The following CFAP299 variants were observed in gnomAD, a reference collection of about 807,000 sequenced individuals.
CFAP299 encodes cilia- and flagella-associated protein 299.
A neutral mutation model predicts 27.0 loss-of-function variants in CFAP299; 21 were observed. The ratio of observed to expected loss-of-function variants is 0.78; its 90% CI spans 0.55 to 1.12. The LOEUF is 1.12. CFAP299 is among the 50% of genes most tolerant of loss of function. The pLI, the probability that CFAP299 is intolerant of heterozygous loss-of-function variation, is 0.00. For synonymous variants in CFAP299, 104 were observed against 98.1 expected, an observed-to-expected ratio of 1.06 and a Z score of -0.36; for missense variants, 310 against 276.6, an observed-to-expected ratio of 1.12 and a Z score of -0.86.
chr4:80,367,301 G>T (rs913732249), intron 2 of CFAP299, among the ~76,000 whole-genome samples: 1 of 152,186 alleles, frequency 6.6e-6, no homozygotes, highest in Admixed American at 6.5e-5. Context: ...GTCAAGATTT[G>T]TGAGGGGACG....
intron 1 of CFAP299, among the ~76,000 whole-genome samples, chr4:80,342,259 A>G (rs1293954363): frequency 6.6e-6 from 1 of 152,258 alleles, no homozygotes; most frequent in Non-Finnish European, 1.5e-5. Context: ...GATATCATCC[A>G]GGAGAACTTC....
At chr4:80,820,929 TA>T (rs1484482305) in intron 3 of CFAP299, among the ~76,000 whole-genome samples, 1 of 152,178 alleles carries the variant, frequency 6.6e-6, no homozygotes, top group Non-Finnish European at 1.5e-5. Flanking sequence ...AGAAATTGTG[TA>T]AGTACTGAGC....
rs147681015 is a variant in CFAP299 at position 80,511,849 on chromosome 4, A to G, written c.243-71244A>G. 3.8e-3 allele frequency among the ~76,000 whole-genome samples: 580 copies of G among 152,276 alleles called. 2 individuals are homozygous for G. Among genetic ancestry groups the G allele is most frequent in the African/African-American group, 0.013 (557 of 41,568 alleles). On this transcript the variant is annotated intron_variant, in intron 2 of 5. Coordinates refer to ENST00000358105, the MANE Select transcript of CFAP299 (RefSeq NM_152770.3). ...AACAGGCCCTCTTCTCTTTAAAGTTATATTAACTTAATGGTAAATTATCTT... is the reference window on the plus strand; with the variant it reads ...AACAGGCCCTCTTCTCTTTAAAGTTGTATTAACTTAATGGTAAATTATCTT...
At chr4:80,366,977 C>G (rs80249392) in intron 2 of CFAP299, among the ~76,000 whole-genome samples, 5 of 152,028 alleles carry the variant, frequency 3.3e-5, no homozygotes, top group African/African-American at 9.7e-5. Flanking sequence ...TGCATGATAC[C>G]ATTTATATAA....
chr4:80,693,059 C>G (rs553738358), intron 3 of CFAP299, among the ~76,000 whole-genome samples: 67 of 152,342 alleles, frequency 4.4e-4, no homozygotes, highest in Admixed American at 2.1e-3. Context: ...AGGTGCTGGA[C>G]AGGATGTGGA....
intron 2 of CFAP299, chr4:80,388,376 T>C (rs969085476): frequency 1.2e-5 from 8 of 682,730 alleles, no homozygotes; most frequent in African/African-American, 8.9e-5. Context: ...GATCTGGCAA[T>C]TGGCAGGAGG....
intron 2 of CFAP299, among the ~76,000 whole-genome samples, chr4:80,400,364 G>A (rs957040127): frequency 6.6e-6 from 1 of 152,056 alleles, no homozygotes; most frequent in Non-Finnish European, 1.5e-5. Context: ...TGGCTTGGTT[G>A]TGCCCCCACC....
At chr4:80,548,234 A>G (rs937179751) in intron 2 of CFAP299, among the ~76,000 whole-genome samples, 1 of 152,170 alleles carries the variant, frequency 6.6e-6, no homozygotes, top group African/African-American at 2.4e-5. Flanking sequence ...AGCAACATGG[A>G]TGTATTAATA....
At chr4:80,559,576 G>C (rs1042099332) in intron 2 of CFAP299, among the ~76,000 whole-genome samples, 5 of 152,172 alleles carry the variant, frequency 3.3e-5, no homozygotes, top group African/African-American at 1.2e-4. Flanking sequence ...GCATTGAAGA[G>C]ATAGAAAACA....
chr4:80,398,689 T>G (rs1725957882), intron 2 of CFAP299, among the ~76,000 whole-genome samples: 2 of 152,124 alleles, frequency 1.3e-5, no homozygotes, highest in African/African-American at 4.8e-5. Flanking sequence ...TAAAATTAAT[T>G]CAAGATGGAT....
chr4:80,357,815 T>G (rs1393409373), intron 1 of CFAP299, among the ~76,000 whole-genome samples: 2 of 152,164 alleles, frequency 1.3e-5, no homozygotes, highest in African/African-American at 2.4e-5. Flanking sequence ...TGAATTTTTT[T>G]TGTGTGTCTC....
chr4:80,877,382 A>G (rs1022528110), intron 4 of CFAP299, among the ~76,000 whole-genome samples: 1 of 152,220 alleles, frequency 6.6e-6, no homozygotes, highest in African/African-American at 2.4e-5. Context: ...ACTAGGACTA[A>G]CAATTCCTAC....
chr4:80,654,279 G>A (rs1202248356), intron 3 of CFAP299, among the ~76,000 whole-genome samples: 1 of 152,082 alleles, frequency 6.6e-6, no homozygotes, highest in African/African-American at 2.4e-5. Context: ...CAGGATAAAG[G>A]CACCTGGGAG....
chr4:80,367,823 A>G (rs542153533), intron 2 of CFAP299, among the ~76,000 whole-genome samples: 1 of 152,284 alleles, frequency 6.6e-6, no homozygotes, highest in East Asian at 1.9e-4. Flanking sequence ...GGGACTGGCC[A>G]TGGTTTTCTT....
At chr4:80,467,446 C>T (rs971369614) in intron 2 of CFAP299, among the ~76,000 whole-genome samples, 6 of 152,024 alleles carry the variant, frequency 3.9e-5, no homozygotes, top group Non-Finnish European at 8.8e-5. Context: ...ATGAATAGTC[C>T]CTTCCTCTTT....
chr4:80,891,018 C>G (rs1009807541), intron 4 of CFAP299, among the ~76,000 whole-genome samples: 2 of 151,994 alleles, frequency 1.3e-5, no homozygotes, highest in Admixed American at 1.3e-4. Context: ...GTTGCCTGTT[C>G]ACTCTGACGG....
chr4:80,762,749 A>G (rs1010667713), intron 3 of CFAP299, among the ~76,000 whole-genome samples: 1 of 152,148 alleles, frequency 6.6e-6, no homozygotes, highest in Non-Finnish European at 1.5e-5. Flanking sequence ...TGTCTCAGCC[A>G]AAGAGTGTTG....
chr4:80,456,713 C>A (rs1729180426), intron 2 of CFAP299, among the ~76,000 whole-genome samples: 1 of 152,076 alleles, frequency 6.6e-6, no homozygotes, highest in Non-Finnish European at 1.5e-5. Flanking sequence ...ATGTAGAGGG[C>A]AGTTGGATAA....
At chr4:80,727,854 A>G (rs934808566) in intron 3 of CFAP299, among the ~76,000 whole-genome samples, 1 of 151,898 alleles carries the variant, frequency 6.6e-6, no homozygotes, top group Non-Finnish European at 1.5e-5. Context: ...ACAAATATGA[A>G]CTATTTGGTA....
Sources: allele counts gnomAD v4.1 joint callset (sites outside exome capture counted in the v4.1 genomes callset), GRCh38; gene constraint gnomAD v4.1.1; transcripts MANE v1.5; gene names NCBI Gene and HGNC (gene_info 2026-07-23, HGNC 2026-07-21).